Variants in TTC23L observed in about 807,000 individuals in gnomAD.
TTC23L encodes the protein tetratricopeptide repeat domain 23 like.
A neutral mutation model predicts 48.1 loss-of-function variants in TTC23L; 42 were observed. That is an observed-to-expected ratio of 0.87 (90% confidence interval 0.68 to 1.13). TTC23L has a LOEUF of 1.13. Among genes scored for constraint, TTC23L ranks in the 50% most tolerant of loss-of-function variants. The probability of loss-of-function intolerance (pLI) is 0.00; values close to 1 mark genes in which losing one functional copy is unlikely to be tolerated. For synonymous variants in TTC23L, 159 were observed against 157.2 expected (o/e 1.01, Z -0.09); for missense variants, 391 against 421.0 (o/e 0.93, Z 0.62).
chr5:34,879,738 C>T (rs1762090431), intron 8 of TTC23L, among the ~76,000 whole-genome samples: 1 of 152,178 alleles, frequency 6.6e-6, no homozygotes, highest in Non-Finnish European at 1.5e-5. Context: ...TGGCTCATGC[C>T]TGTGATCCCA....
chr5:34,868,850 C>A, intron 7 of TTC23L, 55 bp from the exon 8 acceptor site: 1 of 1,470,362 alleles, frequency 6.8e-7, no homozygotes, highest in Non-Finnish European at 9.3e-7. Flanking sequence ...TCATCTAAAT[C>A]CACAGTGAAC....
Position 34,867,165 on chromosome 5 carries a change from G to A in TTC23L, c.840+96G>A, listed in dbSNP as rs532584895. 6.2e-5 allele frequency: 79 copies of A among 1,270,124 alleles called. 2 individuals carry two copies. The South Asian group carries it at 8.7e-4, about 14-fold the overall frequency. 78.7% of individuals were successfully genotyped at this position (1,270,124 alleles called of 1,614,324 possible). A position where few individuals can be genotyped will look rare whatever the true frequency, so the allele number is the denominator to read the frequency against. On this transcript the variant is annotated intron_variant, in intron 7 of 10. Coordinates refer to ENST00000505624, the Ensembl canonical transcript of TTC23L. ...AAGCATGGGCTTCTCAGAAGAACAA[G>A]GGCTGGAATTGATTCTGTTTTAACC... is the stretch of plus-strand genomic sequence containing the variant.
the TTC23L span, chr5:34,905,803 T>A: frequency 1.3e-5 from 2 of 152,208 alleles, no homozygotes; most frequent in Non-Finnish European, 2.9e-5. Flanking sequence ...AAACTTTTAT[T>A]AAAGTAAAAA....
the TTC23L span, chr5:34,914,750 C>T: frequency 6.2e-7 from 1 of 1,614,190 alleles, no homozygotes; most frequent in Non-Finnish European, 8.5e-7. Context: ...TACTTTGATA[C>T]CATTTTTAGT....
In TTC23L at chr5:34,899,199, T is replaced by A. The variant is rs544093433; in HGVS notation, c.*98-191T>A. The stretch of plus-strand genomic sequence containing the variant: ...ACTCTAGTAAGATTTTAGAGGCCTA[T>A]TAGAAGAGCCAGCATTTTGAGAGTA... On this transcript the variant is annotated intron_variant, in intron 10 of 10. Transcript: ENST00000505624. Among the ~76,000 whole-genome samples, 9 of 152,276 alleles carry A rather than the reference T, an allele frequency of 5.9e-5. No individual in the cohort carries two copies. In the South Asian group the frequency reaches 1.9e-3, roughly 32 times the overall value.
chr5:34,886,274 G>A (rs1456716811), intron 9 of TTC23L, among the ~76,000 whole-genome samples: 4 of 151,498 alleles, frequency 2.6e-5, no homozygotes, highest in Non-Finnish European at 5.9e-5. Flanking sequence ...ACTGATCCTG[G>A]TGGGTTATGT....
the TTC23L span, chr5:34,925,145 G>A: frequency 8.2e-6 from 12 of 1,455,012 alleles, no homozygotes; most frequent in Admixed American, 2.9e-4. Flanking sequence ...AGGATATATG[G>A]TTCATAACTG....
At chr5:34,918,438 G>T in the TTC23L span, 1 of 1,609,976 alleles carries the variant, frequency 6.2e-7, no homozygotes, top group Non-Finnish European at 8.5e-7. Flanking sequence ...GACATTTAAT[G>T]CAGGACTTGA....
intron 4 of TTC23L, among the ~76,000 whole-genome samples, chr5:34,853,205 G>A (rs1017140616): frequency 2.6e-5 from 4 of 152,168 alleles, no homozygotes; most frequent in African/African-American, 9.7e-5. Flanking sequence ...GGAGCAAGTT[G>A]AGGCCATAGG....
intron 9 of TTC23L, among the ~76,000 whole-genome samples, chr5:34,896,129 G>A (rs1311222987): frequency 6.6e-6 from 1 of 152,146 alleles, no homozygotes; most frequent in Non-Finnish European, 1.5e-5. Context: ...CTGCTTGAGG[G>A]TCTCTTTTAT....
At chr5:34,867,200 C>T (rs1475604731) in intron 7 of TTC23L, 131 bp downstream of exon 7, 2 of 957,274 alleles carry the variant, frequency 2.1e-6, no homozygotes, top group African/African-American at 1.6e-5. Flanking sequence ...CCTGACTTTC[C>T]TCCAGATCCA....
chr5:34,844,214 T>C (rs577986571), intron 2 of TTC23L, among the ~76,000 whole-genome samples: 6 of 152,278 alleles, frequency 3.9e-5, no homozygotes, highest in African/African-American at 1.4e-4. Flanking sequence ...GCTTGTCTAC[T>C]GAAAGCACAC....
rs1274687178 is a variant in TTC23L, at chr5:34,845,680, CAAAA to C, written c.255+10_255+13del. The C allele has an allele frequency of 6.3e-7, 1 of 1,592,490 alleles. No homozygotes were observed. Among genetic ancestry groups the C allele is most frequent in the African/African-American group, 1.4e-5 (1 of 73,348 alleles). ...GCTGATTAAGGAAAAAATGGTAAAACAAAAAACTCACTAAAATTTTGTTTCCATT... is the reference window on the plus strand; with the variant it reads ...GCTGATTAAGGAAAAAATGGTAAAACAACTCACTAAAATTTTGTTTCCATT... On this transcript the variant is annotated splice_region_variant and intron_variant, in intron 3 of 10. Coordinates refer to ENST00000505624, the Ensembl canonical transcript of TTC23L.
rs1759063871 is a variant in TTC23L, at chr5:34,845,741, C to T, written c.255+68C>T. ...TATGTTCCTGTTTAGAGAAGCTTTG[C>T]CTTCGATGCAGATTGAAGCATATGA... On this transcript the variant is annotated intron_variant, in intron 3 of 10. Transcript: ENST00000505624. 2.8e-6 allele frequency: 4 copies of T among 1,433,368 alleles called. 1 individual carries two copies. Among genetic ancestry groups the T allele is most frequent in the African/African-American group, 2.9e-5 (2 of 69,830 alleles). 88.8% of individuals were successfully genotyped at this position (1,433,368 alleles called of 1,614,324 possible). A position where few individuals can be genotyped will look rare whatever the true frequency, so the allele number is the denominator to read the frequency against.
At chr5:34,840,715 T>C in exon 2 of TTC23L, 1 of 1,613,966 alleles carries the variant, frequency 6.2e-7, no homozygotes, top group Non-Finnish European at 8.5e-7. Context: ...AGCAATGACA[T>C]CGACTGGGAT....
the TTC23L span, chr5:34,924,808 G>T: frequency 6.0e-6 from 9 of 1,493,696 alleles, no homozygotes; most frequent in South Asian, 1.0e-4. Flanking sequence ...TGGGAATAAC[G>T]TAACCAAACC....
intron 4 of TTC23L, among the ~76,000 whole-genome samples, chr5:34,857,283 T>G (rs1760208003): frequency 1.3e-5 from 2 of 152,172 alleles, no homozygotes; most frequent in African/African-American, 4.8e-5. Flanking sequence ...TATGGTAACG[T>G]GGACAAGCAG....
the TTC23L span, chr5:34,918,324 A>T: frequency 5.6e-6 from 6 of 1,075,542 alleles, no homozygotes; most frequent in South Asian, 4.0e-5. Context: ...TCAGTTCAGT[A>T]TAAGATTTTA....
chr5:34,922,208 T>C, the TTC23L span: 1 of 1,518,006 alleles, frequency 6.6e-7, no homozygotes, highest in Non-Finnish European at 9.0e-7. Flanking sequence ...TATACTTTGC[T>C]TCCTTTAGGT....
Sources: allele counts gnomAD v4.1 joint callset (sites outside exome capture counted in the v4.1 genomes callset), GRCh38; gene constraint gnomAD v4.1.1; transcripts MANE v1.5; gene names NCBI Gene and HGNC (gene_info 2026-07-23, HGNC 2026-07-21).